Variants in LHFPL3 observed in about 807,000 individuals in gnomAD.
LHFPL3 encodes the protein LHFPL tetraspan subfamily member 3 protein.
In LHFPL3, 5 loss-of-function variants were observed where a neutral mutation model predicts 19.3. That is an observed-to-expected ratio of 0.26 (90% confidence interval 0.14 to 0.54). The LOEUF is 0.54. Ranked by LOEUF, LHFPL3 falls within the 20% of genes least tolerant of loss-of-function variation. The pLI, the probability that LHFPL3 is intolerant of heterozygous loss-of-function variation, is 0.94. For synonymous variants in LHFPL3, 133 were observed against 126.2 expected (o/e 1.05, Z -0.36); for missense variants, 249 against 307.4 (o/e 0.81, Z 1.42).
intron 1 of LHFPL3, among the ~76,000 whole-genome samples, chr7:104,609,417 G>A (rs1007771253): frequency 7.9e-5 from 12 of 152,124 alleles, no homozygotes; most frequent in African/African-American, 2.7e-4. Flanking sequence ...CCTGAGATGT[G>A]TCTTGAAATA....
intron 1 of LHFPL3, among the ~76,000 whole-genome samples, chr7:104,343,645 T>G (rs1790005344): frequency 6.6e-6 from 1 of 151,990 alleles, no homozygotes; most frequent in Non-Finnish European, 1.5e-5. Flanking sequence ...TTTGATTTTG[T>G]CTAACACTTG....
At chr7:104,873,381 C>T (rs1453202182) in intron 2 of LHFPL3, among the ~76,000 whole-genome samples, 2 of 152,062 alleles carry the variant, frequency 1.3e-5, no homozygotes, top group South Asian at 2.1e-4. Flanking sequence ...AAGACAAACA[C>T]ACAAAATAGG....
At chr7:104,524,446 G>C (rs1241568452) in intron 1 of LHFPL3, among the ~76,000 whole-genome samples, 1 of 152,092 alleles carries the variant, frequency 6.6e-6, no homozygotes, top group Non-Finnish European at 1.5e-5. Context: ...TGGACCGGCT[G>C]GTACTAACAT....
intron 1 of LHFPL3, among the ~76,000 whole-genome samples, chr7:104,348,963 C>T (rs1040939938): frequency 7.5e-6 from 1 of 132,472 alleles, no homozygotes; most frequent in Non-Finnish European, 1.6e-5. Context: ...TCCTCGTCCT[C>T]CTTCTACCAC....
At chr7:104,901,250 T>A (rs1329331281) in intron 2 of LHFPL3, among the ~76,000 whole-genome samples, 1 of 152,212 alleles carries the variant, frequency 6.6e-6, no homozygotes, top group Admixed American at 6.5e-5. Context: ...TCTAAGTAGT[T>A]GTAATAACAT....
At chr7:104,400,608 C>A (rs910725162) in intron 1 of LHFPL3, among the ~76,000 whole-genome samples, 13 of 152,086 alleles carry the variant, frequency 8.5e-5, no homozygotes, top group Non-Finnish European at 1.5e-4. Context: ...TATTATTATG[C>A]TGCATAAGTG....
chr7:104,856,240 A>ATTTT (rs750683276), intron 2 of LHFPL3, among the ~76,000 whole-genome samples: 1 of 68,872 alleles, frequency 1.5e-5, no homozygotes, highest in South Asian at 7.2e-4. Flanking sequence ...GTCCCAGGAA[A>ATTTT]TTTTTTTTTT....
chr7:104,445,703 A>G (rs1465082896), intron 1 of LHFPL3, among the ~76,000 whole-genome samples: 11 of 152,226 alleles, frequency 7.2e-5, no homozygotes, highest in Admixed American at 3.9e-4. Context: ...ATTTATAACA[A>G]TCAAACTTGT....
intron 2 of LHFPL3, among the ~76,000 whole-genome samples, chr7:104,761,191 C>T (rs891058556): frequency 1.3e-5 from 2 of 152,054 alleles, no homozygotes; most frequent in East Asian, 1.9e-4. Flanking sequence ...CTGCAGAAGC[C>T]GTCTAGGTCT....
chr7:104,811,742 C>T (rs1380815885), intron 2 of LHFPL3, among the ~76,000 whole-genome samples: 1 of 152,174 alleles, frequency 6.6e-6, no homozygotes, highest in African/African-American at 2.4e-5. Flanking sequence ...TCAATGCCAG[C>T]ATAAATGAAT....
chr7:104,651,492 A>C (rs1241334841), intron 1 of LHFPL3, among the ~76,000 whole-genome samples: 1 of 152,228 alleles, frequency 6.6e-6, no homozygotes, highest in East Asian at 1.9e-4. Flanking sequence ...AGTGGATCAA[A>C]TGCTTGCCCT....
In LHFPL3 at chr7:104,388,968, G is replaced by C. The variant is rs908123615; in HGVS notation, c.445+59744G>C. Among the ~76,000 whole-genome samples the C allele has an allele frequency of 3.9e-5, 6 of 152,134 alleles. No homozygotes were observed. In the East Asian group the frequency reaches 1.2e-3, roughly 29 times the overall value. ...ACTTTCCTCTTAAGATCAGAAACAA[G>C]AATGTCTGCTTCAATTACCACTCTT... is the stretch of plus-strand genomic sequence containing the variant. On this transcript the variant is annotated intron_variant, in intron 1 of 2. Coordinates refer to ENST00000424859, the MANE Select transcript of LHFPL3 (RefSeq NM_199000.3).
At chr7:104,411,822 T>C (rs1791541048) in intron 1 of LHFPL3, among the ~76,000 whole-genome samples, 1 of 152,206 alleles carries the variant, frequency 6.6e-6, no homozygotes, top group African/African-American at 2.4e-5. Context: ...ATAAAAATGT[T>C]TCTTTAAACT....
chr7:104,696,366 C>T (rs1010907737), intron 1 of LHFPL3, among the ~76,000 whole-genome samples: 1 of 152,102 alleles, frequency 6.6e-6, no homozygotes, highest in Non-Finnish European at 1.5e-5. Flanking sequence ...CTAATGTATG[C>T]ACTTGGCAAA....
At chr7:104,564,084 G>C (rs928566349) in intron 1 of LHFPL3, among the ~76,000 whole-genome samples, 1 of 152,078 alleles carries the variant, frequency 6.6e-6, no homozygotes, top group African/African-American at 2.4e-5. Context: ...CCTATGATGT[G>C]GCTACTATTA....
At chr7:104,450,619 T>C (rs1479472065) in intron 1 of LHFPL3, among the ~76,000 whole-genome samples, 3 of 152,054 alleles carry the variant, frequency 2.0e-5, no homozygotes, top group Admixed American at 6.5e-5. Flanking sequence ...AAATACCTAA[T>C]GTAGATGACG....
At chr7:104,856,633 A>C (rs1444903073) in intron 2 of LHFPL3, among the ~76,000 whole-genome samples, 3 of 152,228 alleles carry the variant, frequency 2.0e-5, no homozygotes, top group Non-Finnish European at 4.4e-5. Flanking sequence ...CACTAATTTC[A>C]GTGTATTATT....
At chr7:104,484,195 A>G (rs2115668247) in intron 1 of LHFPL3, among the ~76,000 whole-genome samples, 1 of 152,274 alleles carries the variant, frequency 6.6e-6, no homozygotes, top group South Asian at 2.1e-4. Context: ...CTCTTCAGCC[A>G]TCAGATTTTT....
chr7:104,729,051 A>G lies in LHFPL3; in HGVS notation c.446-7624A>G, dbSNP rs76339538. Among the ~76,000 whole-genome samples the G allele has an allele frequency of 4.6e-3, 695 of 152,336 alleles. 31 individuals carry two copies. The East Asian group carries it at 0.1, about 22-fold the overall frequency. Reference sequence around the variant, plus strand: ...TAAAATGTATTTATAGAATTAACACAGTGATATTTGGGAAATTGAATATCA... The same window carrying G: ...TAAAATGTATTTATAGAATTAACACGGTGATATTTGGGAAATTGAATATCA... On this transcript the variant is annotated intron_variant, in intron 1 of 2. Coordinates refer to ENST00000424859, the MANE Select transcript of LHFPL3 (RefSeq NM_199000.3).
Sources: gnomAD v4.1 joint callset for allele counts (sites outside exome capture counted in the v4.1 genomes callset) on GRCh38, gnomAD v4.1.1 for gene constraint, MANE v1.5 for transcripts, NCBI Gene and HGNC (gene_info 2026-07-23, HGNC 2026-07-21) for gene names.